PCLO: variants seen among roughly 807,000 people sequenced by gnomAD.
PCLO encodes the protein protein piccolo.
In PCLO, 82 loss-of-function variants were observed where a neutral mutation model predicts 427.5. The observed-to-expected ratio is 0.19, with a 90% CI of 0.16 to 0.23. The LOEUF is 0.23. Among genes scored for constraint, PCLO ranks in the 10% least tolerant of loss-of-function variants. The pLI, the probability that PCLO is intolerant of heterozygous loss-of-function variation, is 1.00. For synonymous variants in PCLO, 2,357 were observed against 2,155.4 expected (o/e 1.09, Z -2.59); for missense variants, 6,239 against 6,115.9 (o/e 1.02, Z -0.67).
At chr7:82,846,413 A>G (rs535980304) in intron 12 of PCLO, among the ~76,000 whole-genome samples, 154 bp downstream of exon 12, 1 of 152,126 alleles carries the variant, frequency 6.6e-6, no homozygotes, top group African/African-American at 2.4e-5. Flanking sequence ...TTTGTTTATA[A>G]TTATATAAAT....
chr7:83,070,388 G>GTT lies in PCLO; in HGVS notation c.3300+63860_3300+63861dup, dbSNP rs35523358. On this transcript the variant is annotated intron_variant, in intron 3 of 24. Transcript: ENST00000333891. ...AATGCTTGCTCTTCTACGTTTTGTG[G>GTT]TTTTTTTTTTTTTTTTGGAGACCAA... Among the ~76,000 whole-genome samples, 120 of 138,504 alleles carry GTT rather than the reference G, an allele frequency of 8.7e-4. 2 individuals are homozygous for GTT. Among genetic ancestry groups the GTT allele is most frequent in the African/African-American group, 1.8e-3 (66 of 37,406 alleles). 90.9% of individuals were successfully genotyped at this position (138,504 alleles called of 152,430 possible).
chr7:82,948,294 G>GA (rs34214635), intron 6 of PCLO, among the ~76,000 whole-genome samples: 3,400 of 142,640 alleles, frequency 0.024, 126 homozygotes, highest in African/African-American at 0.08. Flanking sequence ...ACTACTTTGA[G>GA]AAAAAAAAAA....
In PCLO at chr7:82,902,696, C is replaced by G. The variant is rs370681449; in HGVS notation, c.13483G>C (p.Ala4495Pro). 1.2e-6 allele frequency: 2 copies of G among 1,601,546 alleles called. No homozygotes were observed. The highest frequency in any genetic ancestry group is 1.7e-6 in the Non-Finnish European group (2 of 1,169,796). The change falls in exon 9 of 25, where the codon GCA becomes CCA. Residue 4495 changes from alanine (A) to proline (P), a missense_variant. Ala to Pro is a conservative substitution (Grantham distance 27). This residue lies in a region of PCLO where 877 missense variants were observed against 925.5 expected (regional missense o/e 0.95). Transcript: ENST00000333891. ...GAGTCTCTTGTTATTTTTATCCTTG[C>G]GTGAGGAAAGATGTAGTGCATAGTT... ...GKTMHYIFPH[A>P]RIKITRDSKD...
intron 22 of PCLO, among the ~76,000 whole-genome samples, chr7:82,782,992 C>T (rs376338335): frequency 6.6e-6 from 1 of 152,178 alleles, no homozygotes; most frequent in African/African-American, 2.4e-5. Flanking sequence ...ATAGGAAAAA[C>T]CAGAGTGCTT....
chr7:82,773,096 A>G (rs975601171), intron 22 of PCLO, among the ~76,000 whole-genome samples: 5 of 152,192 alleles, frequency 3.3e-5, no homozygotes, highest in Non-Finnish European at 7.3e-5. Context: ...GGCCTTGGCT[A>G]CAACTCCCAA....
chr7:83,085,371 T>TA (rs1290671627), intron 3 of PCLO, among the ~76,000 whole-genome samples: 8 of 152,188 alleles, frequency 5.3e-5, no homozygotes, highest in Admixed American at 1.3e-4. Context: ...ACTGCGAAGT[T>TA]AATTTTACAG....
At chr7:83,050,591 A>G (rs2116260913) in intron 3 of PCLO, among the ~76,000 whole-genome samples, 1 of 152,104 alleles carries the variant, frequency 6.6e-6, no homozygotes, top group South Asian at 2.1e-4. Context: ...TATATACAAC[A>G]ACCAATTGTT....
chr7:83,154,684 G>T, intron 2 of PCLO, 64 bp downstream of exon 2: 1 of 1,150,454 alleles, frequency 8.7e-7, no homozygotes, highest in Non-Finnish European at 1.3e-6. Context: ...GTTTAGTTAA[G>T]CATCATTTGT....
At chr7:83,113,093 C>A (rs577880040) in intron 3 of PCLO, among the ~76,000 whole-genome samples, 1 of 152,192 alleles carries the variant, frequency 6.6e-6, no homozygotes, top group Non-Finnish European at 1.5e-5. Context: ...CTTTAGCAAG[C>A]GCCATGTACT....
chr7:83,091,370 G>T (rs1208248523), intron 3 of PCLO, among the ~76,000 whole-genome samples: 1 of 152,074 alleles, frequency 6.6e-6, no homozygotes, highest in African/African-American at 2.4e-5. Flanking sequence ...TTCTCTCCAG[G>T]CAATTGAAGA....
chr7:83,134,310 A>G lies in PCLO; in HGVS notation c.3240T>C (p.Thr1080=), dbSNP rs1344706073. Residue 1080 remains threonine, a synonymous_variant, in exon 3 of 25, where the codon ACT becomes ACC. Coordinates refer to ENST00000333891, the MANE Select transcript of PCLO (RefSeq NM_033026.6). Reference sequence around the variant, plus strand: ...GATTACACACTTGATTCTTGCATTCAGTGCAAGTATTGAAGTTAGGAGGAT... The same window carrying G: ...GATTACACACTTGATTCTTGCATTCGGTGCAAGTATTGAAGTTAGGAGGAT... The part of the protein sequence containing the change: ...SKDPPNFNTC[T]ECKNQVCNLC... 1.9e-6 allele frequency: 3 copies of G among 1,598,810 alleles called. No individual in the cohort carries two copies. The highest frequency in any genetic ancestry group is 1.3e-5 in the African/African-American group (1 of 74,490).
chr7:82,858,652 C>T (rs1429679669), intron 10 of PCLO, among the ~76,000 whole-genome samples: 1 of 152,000 alleles, frequency 6.6e-6, no homozygotes, highest in East Asian at 1.9e-4. Flanking sequence ...CTATACTCAG[C>T]TTATACTATG....
intron 7 of PCLO, among the ~76,000 whole-genome samples, chr7:82,909,422 T>C (rs1464679414): frequency 6.6e-6 from 1 of 151,944 alleles, no homozygotes; most frequent in Non-Finnish European, 1.5e-5. Context: ...CACAACCCAC[T>C]AGAAATTTTT....
chr7:83,052,779 C>T lies in PCLO; in HGVS notation c.3300+81471G>A, dbSNP rs1316072942. ...TGACGACTTTCCCTCTACTTTACTT[C>T]ACATACATAATTGGTCACAAAATCA... On this transcript the variant is annotated intron_variant, in intron 3 of 24. Coordinates refer to ENST00000333891, the MANE Select transcript of PCLO (RefSeq NM_033026.6). 3.3e-5 allele frequency among the ~76,000 whole-genome samples: 5 copies of T among 152,050 alleles called. No individual in the cohort carries two copies. In the East Asian group the frequency reaches 7.7e-4, roughly 23 times the overall value.
intron 20 of PCLO, chr7:82,821,526 C>T (rs577646053): frequency 6.1e-6 from 6 of 984,228 alleles, no homozygotes; most frequent in South Asian, 4.7e-5. Flanking sequence ...CATTGCCTGG[C>T]TAATGCCTTT....
chr7:83,008,757 A>T (rs916860052), intron 3 of PCLO, among the ~76,000 whole-genome samples: 5 of 151,740 alleles, frequency 3.3e-5, no homozygotes, highest in Non-Finnish European at 7.4e-5. Flanking sequence ...TATTTCAACA[A>T]ATATACCTAA....
intron 3 of PCLO, among the ~76,000 whole-genome samples, chr7:83,042,721 T>C (rs1210443723): frequency 6.6e-6 from 1 of 151,832 alleles, no homozygotes; most frequent in East Asian, 1.9e-4. Flanking sequence ...TATTAGTTGG[T>C]TGTGGTGGTG....
At chr7:82,973,988 A>G (rs1009654322) in intron 3 of PCLO, among the ~76,000 whole-genome samples, 2 of 152,202 alleles carry the variant, frequency 1.3e-5, no homozygotes, top group Admixed American at 6.5e-5. Context: ...CTATTACATA[A>G]ATAACACATA....
intron 10 of PCLO, among the ~76,000 whole-genome samples, chr7:82,877,148 A>G (rs1292739847): frequency 6.6e-6 from 1 of 152,116 alleles, no homozygotes; most frequent in Non-Finnish European, 1.5e-5. Flanking sequence ...TATTTTTAAA[A>G]TTAAACTTAT....
Sources: allele counts gnomAD v4.1 joint callset (sites outside exome capture counted in the v4.1 genomes callset), GRCh38; gene constraint gnomAD v4.1.1; regional missense constraint gnomAD v4.1.1; transcripts MANE v1.5; gene names NCBI Gene and HGNC (gene_info 2026-07-23, HGNC 2026-07-21).